ARHGAP8: variants seen among roughly 807,000 people sequenced by gnomAD.
ARHGAP8 encodes the protein rho GTPase-activating protein 8.
Under a neutral mutation model 46.1 loss-of-function variants are expected in ARHGAP8, and 62 were observed. That is an observed-to-expected ratio of 1.34 (90% CI 1.10 to 1.66). The LOEUF (loss-of-function observed/expected upper bound fraction) is 1.66. ARHGAP8 is among the 40% of genes most tolerant of loss of function. The probability of loss-of-function intolerance (pLI) is 0.00; values close to 1 mark genes in which losing one functional copy is unlikely to be tolerated. For synonymous variants in ARHGAP8, 375 were observed against 243.1 expected, an observed-to-expected ratio of 1.54 and a Z score of -5.05; for missense variants, 923 against 568.4, an observed-to-expected ratio of 1.62 and a Z score of -6.34.
chr22:44,829,165 C>T (rs959868911), intron 7 of ARHGAP8, among the ~76,000 whole-genome samples: 1 of 146,494 alleles, frequency 6.8e-6, no homozygotes, highest in Non-Finnish European at 1.5e-5. Flanking sequence ...GTGTCACACA[C>T]CTGTAATCCC....
intron 7 of ARHGAP8, among the ~76,000 whole-genome samples, chr22:44,831,040 G>A (rs1020565078): frequency 1.3e-5 from 2 of 152,124 alleles, no homozygotes; most frequent in African/African-American, 4.8e-5. Context: ...TTGTTGTAAA[G>A]ATTTGTTGAT....
At chr22:44,763,324 C>G (rs1925285878) in intron 1 of ARHGAP8, among the ~76,000 whole-genome samples, 2 of 151,078 alleles carry the variant, frequency 1.3e-5, no homozygotes, top group African/African-American at 4.9e-5. Context: ...TGGTGAAACC[C>G]CATCTCTACT....
chr22:44,803,612 A>ACCCCCCC (rs1928710878), intron 3 of ARHGAP8, among the ~76,000 whole-genome samples: 1 of 52,604 alleles, frequency 1.9e-5, no homozygotes, highest in Non-Finnish European at 3.8e-5. Flanking sequence ...TCCTCTCTCC[A>ACCCCCCC]CCCCCCACCA....
At chr22:44,826,104 G>C (rs893418381) in intron 7 of ARHGAP8, among the ~76,000 whole-genome samples, 1 of 152,082 alleles carries the variant, frequency 6.6e-6, no homozygotes, top group Non-Finnish European at 1.5e-5. Context: ...ATGTGCTTAG[G>C]TGTAGGTGTG....
intron 10 of ARHGAP8, among the ~76,000 whole-genome samples, chr22:44,854,981 C>T (rs1222203442): frequency 6.6e-6 from 1 of 152,094 alleles, no homozygotes; most frequent in African/African-American, 2.4e-5. Context: ...CAATATCAGA[C>T]TAATCTTGTC....
intron 1 of ARHGAP8, among the ~76,000 whole-genome samples, chr22:44,785,754 A>G (rs1193502302): frequency 6.6e-6 from 1 of 152,116 alleles, no homozygotes; most frequent in Non-Finnish European, 1.5e-5. Context: ...TTGGTTTTGC[A>G]TGAGAACCTC....
intron 6 of ARHGAP8, among the ~76,000 whole-genome samples, chr22:44,823,080 G>A (rs746891729): frequency 6.6e-6 from 1 of 152,230 alleles, no homozygotes; most frequent in African/African-American, 2.4e-5. Context: ...GAAGGAGCAG[G>A]CCCTTGCCAA....
intron 1 of ARHGAP8, among the ~76,000 whole-genome samples, chr22:44,761,161 C>T (rs1240069332): frequency 6.6e-6 from 1 of 152,196 alleles, no homozygotes; most frequent in African/African-American, 2.4e-5. Context: ...CTTTGATCTG[C>T]TAAGGGAGGC....
intron 10 of ARHGAP8, among the ~76,000 whole-genome samples, chr22:44,855,950 C>G (rs1276265261): frequency 1.3e-5 from 2 of 152,186 alleles, no homozygotes; most frequent in Non-Finnish European, 2.9e-5. Flanking sequence ...CCTCAGGAAG[C>G]TTTCAATTAT....
chr22:44,763,956 G>A (rs1925352254), intron 1 of ARHGAP8, among the ~76,000 whole-genome samples: 1 of 151,894 alleles, frequency 6.6e-6, no homozygotes, highest in African/African-American at 2.4e-5. Context: ...GAGTACAGGT[G>A]CCCGCCACCA....
chr22:44,764,863 T>G (rs1339010322), intron 1 of ARHGAP8, among the ~76,000 whole-genome samples: 1 of 152,234 alleles, frequency 6.6e-6, no homozygotes, highest in Non-Finnish European at 1.5e-5. Flanking sequence ...ACTGTAGGAC[T>G]GAGAGAGGGG....
chr22:44,825,162 C>G (rs184565261), intron 6 of ARHGAP8, among the ~76,000 whole-genome samples: 5 of 151,910 alleles, frequency 3.3e-5, no homozygotes, highest in African/African-American at 7.3e-5. Flanking sequence ...CAGACACTTG[C>G]GAGAGCTGAG....
In ARHGAP8 at chr22:44,791,128, C is replaced by T. The variant is rs796736294; in HGVS notation, c.79+4522C>T. Among the ~76,000 whole-genome samples the T allele has an allele frequency of 2.6e-5, 4 of 152,070 alleles. No individual in the cohort carries two copies. In the South Asian group the frequency reaches 6.2e-4, roughly 24 times the overall value. On this transcript the variant is annotated intron_variant, in intron 2 of 11. Coordinates refer to ENST00000356099, the MANE Select transcript of ARHGAP8 (RefSeq NM_181335.3). ...TCCAGATTATTCATCCTTCTCCCAG[C>T]AAAAAGAAAACTAATTGGAACAAGA... is the stretch of plus-strand genomic sequence containing the variant.
intron 2 of ARHGAP8, among the ~76,000 whole-genome samples, chr22:44,796,847 T>A (rs950569026): frequency 4.6e-5 from 7 of 152,200 alleles, no homozygotes; most frequent in African/African-American, 1.7e-4. Flanking sequence ...TGTGAAGGGA[T>A]TGTAGGAACC....
rs145388792 is a variant in ARHGAP8 at position 44,804,404 on chromosome 22, G to C, written c.167+2240G>C. Among the ~76,000 whole-genome samples, 1,201 of 152,330 alleles carry C rather than the reference G, an allele frequency of 7.9e-3. 23 individuals are homozygous for C. Among genetic ancestry groups the C allele is most frequent in the African/African-American group, 0.028 (1,150 of 41,566 alleles). ...TGTGAGTGAGAGGCCCCCAGGCCCA[G>C]GGGAGAAGCTCAGTCTTAGTGAAGG... On this transcript the variant is annotated intron_variant, in intron 3 of 11. Transcript: ENST00000356099.
At chr22:44,801,686 C>A in intron 2 of ARHGAP8, 1 of 232,810 alleles carries the variant, frequency 4.3e-6, no homozygotes, top group African/African-American at 2.3e-5. Flanking sequence ...CTGGCCTCCA[C>A]CATGGCCCAG....
rs991961327 is a variant in ARHGAP8 at position 44,763,413 on chromosome 22, C to G, written c.-72+10786C>G. On this transcript the variant is annotated intron_variant, in intron 1 of 11. Coordinates refer to ENST00000356099, the MANE Select transcript of ARHGAP8 (RefSeq NM_181335.3). ...TCGGGAGGCTGAGACACAAGAATCA[C>G]TTGAACCTGGGAGGCAGAGGTTGCA... Among the ~76,000 whole-genome samples the G allele has an allele frequency of 4.1e-5, 6 of 146,246 alleles. No homozygotes were observed. In the South Asian group the frequency reaches 6.5e-4, roughly 16 times the overall value.
chr22:44,837,037 A>G (rs1162269080), intron 7 of ARHGAP8, among the ~76,000 whole-genome samples: 1 of 152,018 alleles, frequency 6.6e-6, no homozygotes, highest in East Asian at 1.9e-4. Context: ...GGCGCGTGCC[A>G]CCGTACCTGG....
rs905832749 is a variant in ARHGAP8, at chr22:44,813,686, T to TACCTACACATATGTAGGTAC, written c.300-976_300-957dup. ...AAATACACCTACACACCCCTAGGTA[T>TACCTACACATATGTAGGTAC]ACCTACACATATGTAGGTACACCTA... is the stretch of plus-strand genomic sequence containing the variant. On this transcript the variant is annotated intron_variant, in intron 4 of 11. Coordinates refer to ENST00000356099, the MANE Select transcript of ARHGAP8 (RefSeq NM_181335.3). Among the ~76,000 whole-genome samples the TACCTACACATATGTAGGTAC allele has an allele frequency of 6.4e-3, 963 of 151,078 alleles. 5 individuals carry two copies. Among genetic ancestry groups the TACCTACACATATGTAGGTAC allele is most frequent in the African/African-American group, 0.022 (904 of 41,066 alleles).
Sources: gnomAD v4.1 joint callset for allele counts (sites outside exome capture counted in the v4.1 genomes callset) on GRCh38, gnomAD v4.1.1 for gene constraint, MANE v1.5 for transcripts, NCBI Gene and HGNC (gene_info 2026-07-23, HGNC 2026-07-21) for gene names.